Variants in ZZEF1 observed in about 807,000 individuals in gnomAD.
The protein encoded by ZZEF1 is zinc finger ZZ-type and EF-hand domain-containing protein 1.
A neutral mutation model predicts 342.8 loss-of-function variants in ZZEF1; 157 were observed. That is an observed-to-expected ratio of 0.46 (90% CI 0.40 to 0.52). The LOEUF is 0.52. Among genes scored for constraint, ZZEF1 ranks in the 20% least tolerant of loss-of-function variants. ZZEF1 has a pLI of 0.00. For missense variants in ZZEF1, 3,480 were observed against 3,725.6 expected (o/e 0.93, Z 1.72); for synonymous variants, 1,505 against 1,429.1 (o/e 1.05, Z -1.20).
rs558003679 is a variant in ZZEF1, at chr17:4,017,625, G to A, written c.7747C>T (p.Arg2583Cys). 1.3e-4 allele frequency: 202 copies of A among 1,614,040 alleles called. No homozygotes were observed. The highest frequency in any genetic ancestry group is 1.6e-4 in the East Asian group (7 of 44,896). Residue 2583 changes from arginine (R) to cysteine (C), a missense_variant, in exon 48 of 55, where the codon CGC (arginine) becomes TGC (cysteine). Around this residue, in one of 5 missense-constraint regions of ZZEF1, gnomAD observed 1,269 missense variants for 1,342.4 expected, o/e 0.95. Transcript: ENST00000381638. The surrounding 1 kb of genome is among the most constrained non-coding windows in gnomAD (Gnocchi z 5.1). ...AGGAGGGCGGCGCTCTTGCTACGGC[G>A]CTGCTTGGCATAGCTCTGCTGCAGT... ...SELQQSYAKQ[R>C]RSKSAALLHK...
rs776637758 is a variant in ZZEF1, at chr17:4,024,993, T to C, written c.7018A>G (p.Ser2340Gly). The stretch of plus-strand genomic sequence containing the variant: ...GCTTCTACTGCCTCGGGACAATGGC[T>C]GTCCATGCTGCTTTGCAGAAGGTGA... ...ASHLLQSSMD[S>G]HCPEAVEATW... Residue 2340 changes from serine (S) to glycine (G), a missense_variant, in exon 43 of 55, where the codon AGC becomes GGC. Ser to Gly is a moderately conservative substitution (Grantham distance 56). Around this residue, in one of 5 missense-constraint regions of ZZEF1, gnomAD observed 1,269 missense variants for 1,342.4 expected, o/e 0.95. Transcript: ENST00000381638. The C allele has an allele frequency of 6.2e-7, 1 of 1,614,086 alleles. No homozygotes were observed. Among genetic ancestry groups the C allele is most frequent in the African/African-American group, 1.3e-5 (1 of 74,926 alleles).
At chr17:4,090,930 G>C in intron 11 of ZZEF1, 100 bp from the exon 12 acceptor site, 2 of 872,824 alleles carry the variant, frequency 2.3e-6, no homozygotes, top group Admixed American at 4.0e-5. Flanking sequence ...TGTATCTGTA[G>C]CCTGTCAGTG....
intron 44 of ZZEF1, among the ~76,000 whole-genome samples, chr17:4,022,205 C>T (rs2056289136): frequency 6.6e-6 from 1 of 152,168 alleles, no homozygotes. Context: ...TCACTCCCTC[C>T]TACATGATGG....
chr17:4,025,249 CT>C, intron 42 of ZZEF1, 131 bp from the exon 43 acceptor site: 1 of 876,902 alleles, frequency 1.1e-6, no homozygotes, highest in Non-Finnish European at 1.7e-6. Flanking sequence ...CGGGCTCAGT[CT>C]TAGCCAATAA....
At chr17:4,035,271 C>T (rs763345611) in intron 39 of ZZEF1, among the ~76,000 whole-genome samples, 1 of 152,124 alleles carries the variant, frequency 6.6e-6, no homozygotes, top group Non-Finnish European at 1.5e-5. Context: ...GAGTTGTTAT[C>T]CTCAGTGTGA....
intron 24 of ZZEF1, among the ~76,000 whole-genome samples, chr17:4,073,028 T>C (rs1239317563): frequency 6.6e-6 from 1 of 152,146 alleles, no homozygotes; most frequent in Non-Finnish European, 1.5e-5. Context: ...AAGCTGAAAA[T>C]AGGATATGAA....
At position 4,024,186 on chromosome 17, in the gene ZZEF1, G is replaced by GTTTTTTTTTTTTTT. The variant is rs754985234; in HGVS notation, c.7092+719_7092+732dup. Among the ~76,000 whole-genome samples the GTTTTTTTTTTTTTT allele has an allele frequency of 8.0e-4, 76 of 94,430 alleles. 8 individuals are homozygous for GTTTTTTTTTTTTTT. The highest frequency in any genetic ancestry group is 1.8e-3 in the African/African-American group (44 of 24,780). 61.9% of individuals were successfully genotyped at this position (94,430 alleles called of 152,430 possible). Reference sequence around the variant, plus strand: ...CATCTCCATGCCAAATATTGCCCAGGTTTTTTTTTTTTTTTTTTTTTTTTT... The same window carrying GTTTTTTTTTTTTTT: ...CATCTCCATGCCAAATATTGCCCAGGTTTTTTTTTTTTTTTTTTTTTTTTTTTTTTTTTTTTTTT... On this transcript the variant is annotated intron_variant, in intron 43 of 54. Transcript: ENST00000381638.
chr17:4,075,074 CT>C (rs1464669710), intron 23 of ZZEF1, 22 bp downstream of exon 23: 2 of 1,613,352 alleles, frequency 1.2e-6, no homozygotes, highest in Non-Finnish European at 1.7e-6. Context: ...AAGTAGGTAC[CT>C]CTTTCTGGGA....
chr17:4,054,582 C>T (rs1422889723), intron 33 of ZZEF1, among the ~76,000 whole-genome samples: 1 of 151,852 alleles, frequency 6.6e-6, no homozygotes, highest in African/African-American at 2.4e-5. Context: ...TGACAGACAG[C>T]AAAAAGGGGA....
rs542727529 is a variant in ZZEF1, at chr17:4,104,806, C to T, written c.1400G>A (p.Cys467Tyr). The T allele has an allele frequency of 3.7e-6, 6 of 1,611,850 alleles. No homozygotes were observed. In the African/African-American group the frequency reaches 6.7e-5, roughly 18 times the overall value. The change falls in exon 8 of 55, where the codon TGT becomes TAT. Residue 467 changes from cysteine (C) to tyrosine (Y), a missense_variant. Physicochemically the swap from Cys to Tyr is radical, Grantham distance 194 (BLOSUM62 -2). This residue lies in a region of ZZEF1 where 1,528 missense variants were observed against 1,624.1 expected (regional missense o/e 0.94). Coordinates refer to ENST00000381638, the MANE Select transcript of ZZEF1 (RefSeq NM_015113.4). The part of the protein sequence containing the change: ...DSFLIRITSC[C>Y]STPEVELTLL... The stretch of plus-strand genomic sequence containing the variant: ...AGTCAGTTCTACCTCTGGGGTAGAA[C>T]AGCAGCTATAAGCAAAGAGCAAAAA...
intron 1 of ZZEF1, among the ~76,000 whole-genome samples, chr17:4,126,810 A>G (rs559468162): frequency 1.3e-5 from 2 of 152,132 alleles, no homozygotes; most frequent in Non-Finnish European, 2.9e-5. Flanking sequence ...TACTAAAACT[A>G]CAAAACATTA....
chr17:4,075,527 G>A (rs909496622), intron 21 of ZZEF1, 98 bp from the exon 22 acceptor site: 30 of 1,377,186 alleles, frequency 2.2e-5, no homozygotes, highest in Admixed American at 4.4e-5. Context: ...CAGGCAGATG[G>A]CCTTGACAGC....
chr17:4,093,888 C>T (rs962565517), intron 11 of ZZEF1, among the ~76,000 whole-genome samples: 1 of 152,126 alleles, frequency 6.6e-6, no homozygotes, highest in Non-Finnish European at 1.5e-5. Context: ...GTGGCTACAT[C>T]CGACAGATCC....
chr17:4,084,108 T>C (rs2057776030), intron 16 of ZZEF1, among the ~76,000 whole-genome samples: 1 of 152,204 alleles, frequency 6.6e-6, no homozygotes, highest in South Asian at 2.1e-4. Context: ...AGCATCCTTG[T>C]CTTATTCCGC....
At chr17:4,123,068 C>T (rs1205623508) in intron 2 of ZZEF1, among the ~76,000 whole-genome samples, 6 of 151,154 alleles carry the variant, frequency 4.0e-5, no homozygotes, top group East Asian at 1.9e-4. Flanking sequence ...TACGGGCACC[C>T]GCCACCATGC....
At chr17:4,011,587 T>C (rs996484792) in intron 52 of ZZEF1, among the ~76,000 whole-genome samples, 1 of 151,966 alleles carries the variant, frequency 6.6e-6, no homozygotes, top group African/African-American at 2.4e-5. Flanking sequence ...AGAGGAAGGC[T>C]GTGTTTTAAT....
chr17:4,098,044 C>T (rs908875806), intron 9 of ZZEF1, among the ~76,000 whole-genome samples: 1 of 151,590 alleles, frequency 6.6e-6, no homozygotes, highest in African/African-American at 2.4e-5. Context: ...TCGAGACGAG[C>T]CTGGCCAACA....
intron 1 of ZZEF1, among the ~76,000 whole-genome samples, chr17:4,139,961 A>G (rs1193350154): frequency 2.6e-5 from 4 of 152,240 alleles, no homozygotes; most frequent in African/African-American, 9.6e-5. Context: ...CTATGCCCGT[A>G]AGAGAGTGGG....
At chr17:4,117,207 A>C in intron 2 of ZZEF1, 41 bp from the exon 3 acceptor site, 1 of 1,555,938 alleles carries the variant, frequency 6.4e-7, no homozygotes, top group Non-Finnish European at 8.8e-7. Context: ...TGGGGAAGCC[A>C]CAGTAGTTTC....
Sources: gnomAD v4.1 joint callset for allele counts (sites outside exome capture counted in the v4.1 genomes callset) on GRCh38, gnomAD v4.1.1 for gene constraint, gnomAD v4.1.1 regional missense constraint, Gnocchi (gnomAD v3.1) non-coding constraint, MANE v1.5 for transcripts, NCBI Gene and HGNC (gene_info 2026-07-23, HGNC 2026-07-21) for gene names.